The following TG variants were observed in gnomAD, a reference collection of about 807,000 sequenced individuals.
TG encodes thyroid hormones.
TG carries 270 observed loss-of-function variants against 324.7 expected under a neutral mutation model. That is an observed-to-expected ratio of 0.83 (90% CI 0.75 to 0.92). The LOEUF (loss-of-function observed/expected upper bound fraction) is 0.92, where lower values mean the gene tolerates loss of function less well. TG is among the 40% of genes least tolerant of loss of function. TG has a pLI of 0.00. For synonymous variants in TG, 1,401 were observed against 1,327.0 expected (o/e 1.06, Z -1.21); for missense variants, 3,591 against 3,456.4 (o/e 1.04, Z -0.98).
chr8:133,054,988 T>C (rs1245513361), intron 41 of TG, among the ~76,000 whole-genome samples: 1 of 152,150 alleles, frequency 6.6e-6, no homozygotes, highest in African/African-American at 2.4e-5. Flanking sequence ...TGCCCAGCCC[T>C]ACAGAAAATA....
chr8:132,997,438 G>A (rs62515970), intron 35 of TG, among the ~76,000 whole-genome samples: 8,990 of 152,186 alleles, frequency 0.059, 400 homozygotes, highest in Non-Finnish European at 0.094. Context: ...ATTTGAAGTC[G>A]TAGGGATATG....
intron 1 of TG, 94 bp downstream of exon 1, chr8:132,867,161 T>A: frequency 1.8e-6 from 2 of 1,129,456 alleles, no homozygotes; most frequent in Non-Finnish European, 2.6e-6. Context: ...CGATCTAATT[T>A]AATCTTCACA....
chr8:133,038,728 C>T (rs528805748), intron 41 of TG: 1 of 1,612,838 alleles, frequency 6.2e-7, no homozygotes, highest in African/African-American at 1.3e-5. Context: ...CCTCGGGGTC[C>T]TCCTGCAGTC....
In TG at chr8:133,133,630, A is replaced by G; in HGVS notation, c.8158A>G (p.Lys2720Glu). The change falls in exon 47 of 48, where the codon AAG (lysine) becomes GAG (glutamate). Residue 2720 changes from lysine to glutamate, a missense_variant. By Grantham distance (56) the Lys-to-Glu change is moderately conservative. Transcript: ENST00000220616. ...LKKADCSFWS[K>E]YISSLKTSAD... The stretch of plus-strand genomic sequence containing the variant: ...GAAAGCCGACTGCTCCTTCTGGTCC[A>G]AGTACATCTCGTCTCTGAAGACATC... 6.2e-7 allele frequency: 1 copy of G among 1,614,188 alleles called. No individual in the cohort carries two copies. Among genetic ancestry groups the G allele is most frequent in the Non-Finnish European group, 8.5e-7 (1 of 1,180,024 alleles).
In TG at chr8:132,899,728, GAGA is replaced by G. The variant is rs1213009913; in HGVS notation, c.3331-506_3331-504del. Among the ~76,000 whole-genome samples the G allele has an allele frequency of 2.0e-5, 3 of 152,320 alleles. No individual in the cohort carries two copies. The East Asian group carries it at 5.8e-4, about 29-fold the overall frequency. On this transcript the variant is annotated intron_variant, in intron 14 of 47. Transcript: ENST00000220616. ...TCCTGGGCACTGATGCTTACACAGA[GAGA>G]AGGAGAGGTAGAAGCCACAATGTCC...
At chr8:132,874,772 C>A (rs1312286014) in intron 5 of TG, among the ~76,000 whole-genome samples, 2 of 152,134 alleles carry the variant, frequency 1.3e-5, no homozygotes, top group Admixed American at 6.5e-5. Context: ...CATGTTCAAC[C>A]TAAAACACAC....
intron 41 of TG, chr8:133,040,181 A>T (rs780737229): frequency 5.8e-6 from 9 of 1,552,812 alleles, no homozygotes; most frequent in Non-Finnish European, 7.8e-6. Context: ...CGCCTCAGCC[A>T]GTGTGGGGTT....
Position 132,913,134 on chromosome 8 carries a change from C to A in TG, c.4247C>A (p.Thr1416Lys), listed in dbSNP as rs373993261. 4 of 1,614,088 alleles carry A rather than the reference C, an allele frequency of 2.5e-6. No individual in the cohort carries two copies. The African/African-American group carries it at 5.3e-5, about 22-fold the overall frequency. Residue 1416 changes from threonine to lysine, a missense_variant, in exon 20 of 48, where the codon ACG (threonine) becomes AAG (lysine). Coordinates refer to ENST00000220616, the MANE Select transcript of TG (RefSeq NM_003235.5). ...TTCCAGCTTCATCTGGACTCCAAGA[C>A]GTTCCCAGCGGAAACCATCCGCTTC... is the stretch of plus-strand genomic sequence containing the variant. ...GSFQLHLDSKTFPAETIRFLQ... is the reference protein window; with the variant it reads ...GSFQLHLDSKKFPAETIRFLQ...
intron 41 of TG, among the ~76,000 whole-genome samples, chr8:133,054,370 C>G (rs1840961575): frequency 6.6e-6 from 1 of 152,166 alleles, no homozygotes; most frequent in Non-Finnish European, 1.5e-5. Context: ...GGCTTTGAAA[C>G]CAATCAGAAC....
At chr8:133,090,702 CA>C (rs1847362758) in intron 41 of TG, among the ~76,000 whole-genome samples, 1 of 152,182 alleles carries the variant, frequency 6.6e-6, no homozygotes, top group Non-Finnish European at 1.5e-5. Flanking sequence ...TTAATCTGCA[CA>C]TCAGCTCTGT....
chr8:133,033,824 C>G (rs1292179578), intron 41 of TG, among the ~76,000 whole-genome samples: 3 of 152,198 alleles, frequency 2.0e-5, no homozygotes, highest in Non-Finnish European at 4.4e-5. Context: ...TGTAGCAATG[C>G]TTAGTAACTG....
intron 27 of TG, among the ~76,000 whole-genome samples, chr8:132,958,591 G>T (rs2142381): frequency 6.6e-6 from 1 of 151,716 alleles, no homozygotes; most frequent in East Asian, 1.9e-4. Context: ...GGTGGTGGGC[G>T]CCTGTAATCC....
intron 9 of TG, 97 bp downstream of exon 9, chr8:132,887,645 G>A: frequency 6.6e-7 from 1 of 1,523,192 alleles, no homozygotes; most frequent in South Asian, 1.1e-5. Flanking sequence ...CCTGGCCAAT[G>A]CTTACACTTC....
chr8:133,085,269 G>A (rs140574160), intron 41 of TG, among the ~76,000 whole-genome samples: 2 of 152,238 alleles, frequency 1.3e-5, no homozygotes, highest in East Asian at 3.9e-4. Flanking sequence ...AGAATGCAAG[G>A]CAGAACTCGT....
chr8:133,026,458 T>C (rs1347867195), intron 40 of TG, among the ~76,000 whole-genome samples: 2 of 152,172 alleles, frequency 1.3e-5, no homozygotes, highest in Non-Finnish European at 2.9e-5. Context: ...AGGGAGGCCA[T>C]TTCCCCAAGC....
chr8:132,913,058 G>A lies in TG; in HGVS notation c.4171G>A (p.Val1391Met). 1.2e-6 allele frequency: 2 copies of A among 1,614,126 alleles called. No individual in the cohort carries two copies. The highest frequency in any genetic ancestry group is 1.7e-6 in the Non-Finnish European group (2 of 1,180,004). ...CCTGTGTCTTACAGAGAGAGCCTTG[G>A]TGGGCAAGGATCTCCTTGGGCGCTT... is the stretch of plus-strand genomic sequence containing the variant. ...PDLHDIERAL[V>M]GKDLLGRFTD... Residue 1391 changes from valine to methionine, a missense_variant, in exon 20 of 48, where the codon GTG becomes ATG. Transcript: ENST00000220616.
chr8:133,044,313 C>T (rs1035822140), intron 41 of TG, among the ~76,000 whole-genome samples: 2 of 152,180 alleles, frequency 1.3e-5, no homozygotes, highest in African/African-American at 4.8e-5. Flanking sequence ...CCAGCCACCA[C>T]ACCACATGAT....
chr8:133,083,899 C>G lies in TG; in HGVS notation c.7240-11145C>G, dbSNP rs182644175. 4.2e-3 allele frequency among the ~76,000 whole-genome samples: 634 copies of G among 152,208 alleles called. 6 individuals are homozygous for G. Among genetic ancestry groups the G allele is most frequent in the African/African-American group, 0.015 (608 of 41,522 alleles). Reference sequence around the variant, plus strand: ...TCTGCACCCAGTGGTTCCCAGTTTTCCCCCTGGCTCCCCTCTCTCTGCATG... The same window carrying G: ...TCTGCACCCAGTGGTTCCCAGTTTTGCCCCTGGCTCCCCTCTCTCTGCATG... On this transcript the variant is annotated intron_variant, in intron 41 of 47. Transcript: ENST00000220616.
chr8:132,986,843 G>A (rs369259779), intron 35 of TG, among the ~76,000 whole-genome samples: 32 of 152,176 alleles, frequency 2.1e-4, no homozygotes, highest in African/African-American at 6.3e-4. Context: ...CTTACCAGCC[G>A]TAAATTAAAG....
Sources: allele counts gnomAD v4.1 joint callset (sites outside exome capture counted in the v4.1 genomes callset), GRCh38; gene constraint gnomAD v4.1.1; transcripts MANE v1.5; gene names NCBI Gene and HGNC (gene_info 2026-07-23, HGNC 2026-07-21).